LAMA2: variants seen among roughly 807,000 people sequenced by gnomAD.
LAMA2 encodes laminin subunit alpha 2.
In LAMA2, 269 loss-of-function variants were observed where a neutral mutation model predicts 364.8. The ratio of observed to expected loss-of-function variants is 0.74; its 90% confidence interval spans 0.67 to 0.82. The LOEUF (loss-of-function observed/expected upper bound fraction) is 0.82. LAMA2 is among the 40% of genes least tolerant of loss of function. LAMA2 has a pLI of 0.00. For missense variants in LAMA2, 3,807 were observed against 3,873.2 expected (o/e 0.98, Z 0.45); for synonymous variants, 1,379 against 1,370.6 (o/e 1.01, Z -0.14).
intron 3 of LAMA2, among the ~76,000 whole-genome samples, chr6:129,088,330 T>C (rs913272792): frequency 9.2e-5 from 14 of 151,936 alleles, no homozygotes; most frequent in Non-Finnish European, 1.9e-4. Context: ...GATTTCTCTA[T>C]CTTTTCCCCA....
At chr6:129,079,131 A>G (rs1331008111) in intron 3 of LAMA2, among the ~76,000 whole-genome samples, 1 of 152,164 alleles carries the variant, frequency 6.6e-6, no homozygotes, top group Non-Finnish European at 1.5e-5. Context: ...ACATGGGCAT[A>G]TGGGCTTCAA....
intron 34 of LAMA2, among the ~76,000 whole-genome samples, chr6:129,379,482 GCTTT>G: frequency 6.6e-6 from 1 of 152,280 alleles, no homozygotes; most frequent in African/African-American, 2.4e-5. Context: ...TTAAGTTGAT[GCTTT>G]TGGTGCCGGG....
chr6:129,434,794 A>T (rs563862265), intron 41 of LAMA2, among the ~76,000 whole-genome samples: 3 of 152,080 alleles, frequency 2.0e-5, no homozygotes, highest in Non-Finnish European at 2.9e-5. Context: ...GAAATCTGCA[A>T]TTCTTCTCTG....
chr6:129,183,327 T>G (rs1001132548), intron 10 of LAMA2, among the ~76,000 whole-genome samples: 12 of 152,022 alleles, frequency 7.9e-5, no homozygotes, highest in African/African-American at 2.2e-4. Context: ...ACACATAATA[T>G]AAATTGACAT....
At chr6:128,953,781 T>C (rs76052980) in intron 1 of LAMA2, among the ~76,000 whole-genome samples, 3,398 of 152,202 alleles carry the variant, frequency 0.022, 131 homozygotes, top group African/African-American at 0.075. Flanking sequence ...ATTTTTGGTG[T>C]GCGGTTTAAA....
intron 58 of LAMA2, among the ~76,000 whole-genome samples, chr6:129,497,197 CCT>C (rs1485732451): frequency 1.3e-5 from 2 of 151,856 alleles, no homozygotes; most frequent in Admixed American, 1.3e-4. Context: ...TTAAATAAGT[CCT>C]CTATAATTTT....
Position 129,048,910 on chromosome 6 carries a change from C to T in LAMA2, c.113-1008C>T, listed in dbSNP as rs1021641210. ...GATTACAGGCGTGAGTCACCACACCCGGCGAGGAATGACTTTCTATCAGAA... is the reference window on the plus strand; with the variant it reads ...GATTACAGGCGTGAGTCACCACACCTGGCGAGGAATGACTTTCTATCAGAA... On this transcript the variant is annotated intron_variant, in intron 1 of 64. Transcript: ENST00000421865. 3.9e-5 allele frequency among the ~76,000 whole-genome samples: 6 copies of T among 152,000 alleles called. No homozygotes were observed. In the East Asian group the frequency reaches 5.8e-4, roughly 15 times the overall value.
At chr6:129,021,656 A>G (rs1464801164) in intron 1 of LAMA2, among the ~76,000 whole-genome samples, 1 of 152,208 alleles carries the variant, frequency 6.6e-6, no homozygotes, top group Non-Finnish European at 1.5e-5. Context: ...TCAGGCAAGA[A>G]GAGGTGCTAT....
At chr6:129,514,815 C>T (rs949098071) in intron 64 of LAMA2, among the ~76,000 whole-genome samples, 1 of 152,112 alleles carries the variant, frequency 6.6e-6, no homozygotes, top group Non-Finnish European at 1.5e-5. Flanking sequence ...ATGAGAGCCC[C>T]CAAAGTTTCC....
In LAMA2 at chr6:129,349,359, G is replaced by C. The variant is rs776889674; in HGVS notation, c.4498G>C (p.Gly1500Arg). 1 of 1,613,436 alleles carries C rather than the reference G, an allele frequency of 6.2e-7. No homozygotes were observed. The highest frequency in any genetic ancestry group is 1.1e-5 in the South Asian group (1 of 91,066). Residue 1500 changes from glycine to arginine, a missense_variant, in exon 31 of 65, where the codon GGA becomes CGA. By Grantham distance (125) the Gly-to-Arg change is moderately radical. Around this residue, in one of 3 missense-constraint regions of LAMA2, gnomAD observed 3,333 missense variants for 3,345.7 expected, o/e 1.00. Coordinates refer to ENST00000421865, the MANE Select transcript of LAMA2 (RefSeq NM_000426.4). ...CTACCGCTGCACGGCTTGTCCACGG[G>C]GATATGAAGGCCAGTACTGTGAAAG... ...DDYRCTACPRGYEGQYCERCA... is the reference protein window; with the variant it reads ...DDYRCTACPRRYEGQYCERCA...
At chr6:129,396,627 A>G (rs2114681715) in intron 37 of LAMA2, among the ~76,000 whole-genome samples, 1 of 152,270 alleles carries the variant, frequency 6.6e-6, no homozygotes, top group East Asian at 1.9e-4. Context: ...GGAACTGGGG[A>G]CGTCATGGGA....
At chr6:129,110,218 T>C (rs898353406) in intron 4 of LAMA2, among the ~76,000 whole-genome samples, 2 of 152,084 alleles carry the variant, frequency 1.3e-5, no homozygotes, top group Admixed American at 1.3e-4. Flanking sequence ...TTCTGAAGTG[T>C]ATTGAGATTA....
Position 129,403,861 on chromosome 6 carries a change from G to T in LAMA2, c.5767G>T (p.Ala1923Ser), listed in dbSNP as rs755144975. The T allele has an allele frequency of 1.2e-6, 2 of 1,613,596 alleles. No individual in the cohort carries two copies. Among genetic ancestry groups the T allele is most frequent in the African/African-American group, 1.3e-5 (1 of 74,906 alleles). Residue 1923 changes from alanine (A) to serine (S), a missense_variant, in exon 40 of 65, where the codon GCA (alanine) becomes TCA (serine). Physicochemically the swap from Ala to Ser is moderately conservative, Grantham distance 99. Around this residue, in one of 3 missense-constraint regions of LAMA2, gnomAD observed 3,333 missense variants for 3,345.7 expected, o/e 1.00. Transcript: ENST00000421865. ...EAKNISFNAT[A>S]AFKAYSNIKD... ...TAAAAACATCTCCTTCAATGCCACTGCAGCCTTCAAAGCTTACAGCAATAT... is the reference window on the plus strand; with the variant it reads ...TAAAAACATCTCCTTCAATGCCACTTCAGCCTTCAAAGCTTACAGCAATAT...
intron 17 of LAMA2, among the ~76,000 whole-genome samples, chr6:129,277,974 G>A (rs947680499): frequency 1.3e-5 from 2 of 152,082 alleles, no homozygotes; most frequent in Non-Finnish European, 2.9e-5. Context: ...GGCCAAGGCA[G>A]GTGGATCACT....
chr6:129,154,096 C>T (rs17056868), intron 7 of LAMA2, among the ~76,000 whole-genome samples: 51,861 of 152,040 alleles, frequency 0.34, 12,713 homozygotes, highest in African/African-American at 0.7. Context: ...TGTGTGTGTA[C>T]GCTAAATGTA....
Position 129,516,526 on chromosome 6 carries a change from C to A in LAMA2, c.*179C>A. ...CTGAATTTTAATTCAAGTTCTTTCT[C>A]AAGTCTATAAATAATATTAAACTGA... is the stretch of plus-strand genomic sequence containing the variant. On this transcript the variant is annotated 3_prime_UTR_variant, in exon 65 of 65. Coordinates refer to ENST00000421865, the MANE Select transcript of LAMA2 (RefSeq NM_000426.4). 3 of 584,842 alleles carry A rather than the reference C, an allele frequency of 5.1e-6. No individual in the cohort carries two copies. Among genetic ancestry groups the A allele is most frequent in the Non-Finnish European group, 8.9e-6 (3 of 336,216 alleles). 36.2% of individuals were successfully genotyped at this position (584,842 alleles called of 1,614,324 possible).
At chr6:129,025,651 G>T (rs1027472295) in intron 1 of LAMA2, among the ~76,000 whole-genome samples, 2 of 152,074 alleles carry the variant, frequency 1.3e-5, no homozygotes, top group Non-Finnish European at 2.9e-5. Context: ...CACTTCTTTC[G>T]ATATGATGTG....
At chr6:129,053,534 G>A (rs541943349) in intron 2 of LAMA2, among the ~76,000 whole-genome samples, 1 of 131,414 alleles carries the variant, frequency 7.6e-6, no homozygotes, top group South Asian at 2.4e-4. Context: ...GGTAAATGGA[G>A]TCAAGGCAAT....
intron 1 of LAMA2, among the ~76,000 whole-genome samples, chr6:128,928,446 G>A (rs1374157273): frequency 6.6e-6 from 1 of 152,076 alleles, no homozygotes; most frequent in Admixed American, 6.6e-5. Flanking sequence ...TCAACAAAAT[G>A]TTTATAAATA....
Sources: allele counts gnomAD v4.1 joint callset (sites outside exome capture counted in the v4.1 genomes callset), GRCh38; gene constraint gnomAD v4.1.1; regional missense constraint gnomAD v4.1.1; transcripts MANE v1.5; gene names NCBI Gene and HGNC (gene_info 2026-07-23, HGNC 2026-07-21).